TEX2: variants seen among roughly 807,000 people sequenced by gnomAD.
TEX2 encodes the protein testis expressed 2.
A neutral mutation model predicts 106.9 loss-of-function variants in TEX2; 53 were observed. That is an observed-to-expected ratio of 0.50 (90% CI 0.40 to 0.62). The LOEUF (loss-of-function observed/expected upper bound fraction) is 0.62. Among genes scored for constraint, TEX2 ranks in the 20% least tolerant of loss-of-function variants. The pLI is 0.00. For synonymous variants in TEX2, 523 were observed against 534.8 expected, an observed-to-expected ratio of 0.98 and a Z score of 0.30; for missense variants, 1,207 against 1,379.0, an observed-to-expected ratio of 0.88 and a Z score of 1.98.
chr17:64,206,393 G>A (rs9892211), intron 2 of TEX2, among the ~76,000 whole-genome samples: 9,788 of 152,110 alleles, frequency 0.064, 1,058 homozygotes, highest in African/African-American at 0.22. Flanking sequence ...GCATTCACAT[G>A]CCACTTCCTG....
chr17:64,168,518 C>CTGTTAACTGTTGACAG (rs1456980210), intron 7 of TEX2, among the ~76,000 whole-genome samples: 5 of 152,136 alleles, frequency 3.3e-5, no homozygotes, highest in African/African-American at 1.2e-4. Flanking sequence ...AGTTAAGAAG[C>CTGTTAACTGTTGACAG]TTGACACTTA....
In TEX2 at chr17:64,155,272, C is replaced by T. The variant is rs149312642; in HGVS notation, c.2805-305G>A. On this transcript the variant is annotated intron_variant, in intron 8 of 11. Transcript: ENST00000584379. Reference sequence around the variant, plus strand: ...AAGGACAGGAGGTGGGAGTGTGATGCGCACATAAAATGCAGTGATTTCAAC... The same window carrying T: ...AAGGACAGGAGGTGGGAGTGTGATGTGCACATAAAATGCAGTGATTTCAAC... The T allele has an allele frequency of 4.5e-5, 12 of 268,974 alleles. No homozygotes were observed. The East Asian group carries it at 7.1e-4, about 16-fold the overall frequency. 16.7% of individuals were successfully genotyped at this position (268,974 alleles called of 1,614,324 possible).
Position 64,213,998 on chromosome 17 carries a change from C to T in TEX2, c.220G>A (p.Asp74Asn). The T allele has an allele frequency of 6.2e-7, 1 of 1,614,200 alleles. No homozygotes were observed. Among genetic ancestry groups the T allele is most frequent in the Non-Finnish European group, 8.5e-7 (1 of 1,180,034 alleles). ...SIVTGLEAKE[D>N]LYLEPQVGHD... The stretch of plus-strand genomic sequence containing the variant: ...CCAACTTGGGGTTCAAGATAGAGGT[C>T]TTCCTTGGCTTCCAGCCCTGTTACA... Residue 74 changes from aspartate (D) to asparagine (N), a missense_variant, in exon 2 of 12, where the codon GAC becomes AAC. Asp to Asn is a conservative substitution (Grantham distance 23). Coordinates refer to ENST00000584379, the MANE Select transcript of TEX2 (RefSeq NM_001288732.2). This position sits in a 1 kb window ranked among gnomAD's most constrained non-coding sequence, Gnocchi z 4.4.
At chr17:64,222,891 G>A (rs1010434094) in intron 1 of TEX2, among the ~76,000 whole-genome samples, 2 of 152,224 alleles carry the variant, frequency 1.3e-5, no homozygotes, top group South Asian at 2.1e-4. Flanking sequence ...GCCTTGATCC[G>A]GTATGTTTCC....
At chr17:64,182,080 G>A (rs1450458372) in intron 5 of TEX2, among the ~76,000 whole-genome samples, 1 of 152,112 alleles carries the variant, frequency 6.6e-6, no homozygotes, top group Non-Finnish European at 1.5e-5. Flanking sequence ...AGCAAGCCAA[G>A]CACCCACCGA....
chr17:64,167,398 G>A (rs1321304375), intron 7 of TEX2, among the ~76,000 whole-genome samples: 1 of 152,190 alleles, frequency 6.6e-6, no homozygotes, highest in Non-Finnish European at 1.5e-5. Context: ...CATCCAGGCA[G>A]CCATGATAAT....
chr17:64,222,525 A>C (rs1292317127), intron 1 of TEX2, among the ~76,000 whole-genome samples: 165 of 151,868 alleles, frequency 1.1e-3, no homozygotes, highest in African/African-American at 3.9e-3. Flanking sequence ...TCACAAAAAA[A>C]AAAAAAAAAA....
chr17:64,148,377 T>G lies in TEX2; in HGVS notation c.*592A>C, dbSNP rs2030164107. ...ATCCCACTGTCCTTACCCAAGCTGA[T>G]AGCGTGTTGTGTGTGTACTATGGCT... On this transcript the variant is annotated 3_prime_UTR_variant, in exon 12 of 12. Coordinates refer to ENST00000584379, the MANE Select transcript of TEX2 (RefSeq NM_001288732.2). The G allele has an allele frequency of 6.5e-6, 1 of 152,836 alleles. No homozygotes were observed. Among genetic ancestry groups the G allele is most frequent in the African/African-American group, 2.4e-5 (1 of 41,450 alleles). 9.5% of individuals were successfully genotyped at this position (152,836 alleles called of 1,614,324 possible).
chr17:64,214,121 T>G lies in TEX2; in HGVS notation c.97A>C (p.Thr33Pro), dbSNP rs781899720. 1.2e-6 allele frequency: 2 copies of G among 1,614,160 alleles called. No homozygotes were observed. The highest frequency in any genetic ancestry group is 1.3e-5 in the African/African-American group (1 of 75,034). ...GATGCCGAGAAGTGAATGGCGATGGTATCTCGGGACACGGACCTCTGCACG... is the reference window on the plus strand; with the variant it reads ...GATGCCGAGAAGTGAATGGCGATGGGATCTCGGGACACGGACCTCTGCACG... Reference protein sequence around the residue: ...VHVQRSVSRDTIAIHFSASGE... With the variant: ...VHVQRSVSRDPIAIHFSASGE... Residue 33 changes from threonine (T) to proline (P), a missense_variant, in exon 2 of 12, where the codon ACC becomes CCC. Transcript: ENST00000584379.
chr17:64,223,775 G>C (rs1469478383), intron 1 of TEX2, among the ~76,000 whole-genome samples: 4 of 149,084 alleles, frequency 2.7e-5, no homozygotes. Flanking sequence ...GAGAGCAATG[G>C]CACGATCTAG....
rs148096884 is a variant in TEX2, at chr17:64,188,290, C to G, written c.2302G>C (p.Val768Leu). 2 of 1,614,002 alleles carry G rather than the reference C, an allele frequency of 1.2e-6. No individual in the cohort carries two copies. Among genetic ancestry groups the G allele is most frequent in the Admixed American group, 3.3e-5 (2 of 59,974 alleles). ...TAGTCGAGAAGCATCTTCTGCCGCA[C>G]GCTGCCTGCCAGCTCCTTCTGCTTT... is the stretch of plus-strand genomic sequence containing the variant. ...QPKQKELAGS[V>L]RQKMLLDYSV... is the part of the protein sequence containing the mutation. The change falls in exon 5 of 12, where the codon GTG (valine) becomes CTG (leucine). Residue 768 changes from valine (V) to leucine (L), a missense_variant. Physicochemically the swap from Val to Leu is conservative, Grantham distance 32. Around this residue, in one of 3 missense-constraint regions of TEX2, gnomAD observed 1,067 missense variants for 1,193.6 expected, o/e 0.89. Transcript: ENST00000584379.
At chr17:64,164,662 G>A (rs1038282538) in intron 7 of TEX2, among the ~76,000 whole-genome samples, 7 of 152,134 alleles carry the variant, frequency 4.6e-5, no homozygotes, top group Non-Finnish European at 1.0e-4. Flanking sequence ...CAATATCAGA[G>A]CCAAAAGCAC....
At chr17:64,236,710 A>C (rs1555635166) in intron 1 of TEX2, among the ~76,000 whole-genome samples, 1 of 152,220 alleles carries the variant, frequency 6.6e-6, no homozygotes, top group Non-Finnish European at 1.5e-5. Flanking sequence ...CAATACAGGA[A>C]TTAATTTAAG....
intron 1 of TEX2, among the ~76,000 whole-genome samples, chr17:64,252,302 C>T (rs901708921): frequency 6.6e-6 from 1 of 152,114 alleles, no homozygotes; most frequent in South Asian, 2.1e-4. Context: ...CTAAAAACTA[C>T]TTAACCTCTC....
In TEX2 at chr17:64,212,624, G is replaced by A. The variant is rs781841770; in HGVS notation, c.1594C>T (p.Arg532Ter). 2.5e-6 allele frequency: 4 copies of A among 1,613,974 alleles called. No individual in the cohort carries two copies. Among genetic ancestry groups the A allele is most frequent in the Middle Eastern group, 1.6e-4 (1 of 6,084 alleles). The change falls in exon 2 of 12, where the codon CGA becomes TGA. Residue 532 changes from arginine (R) to a stop codon, truncating the protein, a stop_gained. Coordinates refer to ENST00000584379, the MANE Select transcript of TEX2 (RefSeq NM_001288732.2). LOFTEE classifies it high-confidence loss of function. ...TCCAGAGATCTTGTGTTCCAGTGTCGCAGATTTTTGTGTAACTTGTGATAT... is the reference window on the plus strand; with the variant it reads ...TCCAGAGATCTTGTGTTCCAGTGTCACAGATTTTTGTGTAACTTGTGATAT... ...HKYHKLHKNL[R>*]HWNTRSLDIK... is the part of the protein sequence containing the mutation.
intron 5 of TEX2, among the ~76,000 whole-genome samples, chr17:64,180,981 C>A (rs1449179293): frequency 1.3e-5 from 2 of 152,130 alleles, no homozygotes; most frequent in African/African-American, 4.8e-5. Context: ...CAGTGTGGTC[C>A]AGGAGATGAC....
rs144153288 is a variant in TEX2, at chr17:64,213,282, T to G, written c.936A>C (p.Glu312Asp). ...AGGCTTTGGGCCTATGGCTGCCACT[T>G]TCTTCCCCTATAATTTTACTAAGGA... is the stretch of plus-strand genomic sequence containing the variant. ...FQLLSKIIGEESGSHRPKALS... is the reference protein window; with the variant it reads ...FQLLSKIIGEDSGSHRPKALS... The change falls in exon 2 of 12, where the codon GAA becomes GAC. Residue 312 changes from glutamate (E) to aspartate (D), a missense_variant. By Grantham distance (45) the Glu-to-Asp change is conservative (BLOSUM62 2). This residue lies in a region of TEX2 where 1,067 missense variants were observed against 1,193.6 expected (regional missense o/e 0.89). Coordinates refer to ENST00000584379, the MANE Select transcript of TEX2 (RefSeq NM_001288732.2). This position sits in a 1 kb window ranked among gnomAD's most constrained non-coding sequence, Gnocchi z 4.4. 1.5e-3 allele frequency: 2,383 copies of G among 1,614,184 alleles called. 4 individuals carry two copies. Among genetic ancestry groups the G allele is most frequent in the Non-Finnish European group, 1.9e-3 (2,245 of 1,180,042 alleles).
chr17:64,188,209 G>T lies in TEX2; in HGVS notation c.2383C>A (p.Pro795Thr), dbSNP rs1293210679. 6.8e-6 allele frequency: 11 copies of T among 1,612,168 alleles called. No homozygotes were observed. Among genetic ancestry groups the T allele is most frequent in the Non-Finnish European group, 9.3e-6 (11 of 1,180,038 alleles). ...GGGCTGCTCTCCGCACTCTGCAGGG[G>T]GCTCCTCTGGGGGCTTCGGCTTTCC... Reference protein sequence around the residue: ...PQESRSPQRSPLQSAESSPTA... With the variant: ...PQESRSPQRSTLQSAESSPTA... Residue 795 changes from proline to threonine, a missense_variant, in exon 5 of 12, where the codon CCC (proline) becomes ACC (threonine). Around this residue, in one of 3 missense-constraint regions of TEX2, gnomAD observed 1,067 missense variants for 1,193.6 expected, o/e 0.89. Coordinates refer to ENST00000584379, the MANE Select transcript of TEX2 (RefSeq NM_001288732.2).
intron 1 of TEX2, among the ~76,000 whole-genome samples, chr17:64,215,294 C>T (rs2033151370): frequency 1.3e-5 from 2 of 152,154 alleles, no homozygotes; most frequent in South Asian, 4.1e-4. Context: ...ACACAGGGCA[C>T]GCTTCAGAAG....
Sources: allele counts gnomAD v4.1 joint callset (sites outside exome capture counted in the v4.1 genomes callset), GRCh38; gene constraint gnomAD v4.1.1; regional missense constraint gnomAD v4.1.1; non-coding constraint Gnocchi (gnomAD v3.1); transcripts MANE v1.5; gene names NCBI Gene and HGNC (gene_info 2026-07-23, HGNC 2026-07-21).